Variants in NELL2 observed in about 807,000 individuals in gnomAD.
NELL2 encodes neural EGFL like 2.
Under a neutral mutation model 109.6 loss-of-function variants are expected in NELL2, and 41 were observed. The observed-to-expected ratio is 0.37, with a 90% CI of 0.29 to 0.49. NELL2 has a LOEUF of 0.49. Ranked by LOEUF, NELL2 falls within the 20% of genes least tolerant of loss-of-function variation. The probability of loss-of-function intolerance (pLI) is 0.98; values close to 1 mark genes in which losing one functional copy is unlikely to be tolerated. For synonymous variants in NELL2, 355 were observed against 344.7 expected, an observed-to-expected ratio of 1.03 and a Z score of -0.33; for missense variants, 900 against 1,008.3, an observed-to-expected ratio of 0.89 and a Z score of 1.45.
intron 2 of NELL2, among the ~76,000 whole-genome samples, chr12:44,872,586 C>G (rs567022755): frequency 6.6e-6 from 1 of 151,910 alleles, no homozygotes; most frequent in Non-Finnish European, 1.5e-5. Context: ...ATTAAATGAG[C>G]AAAAATCACT....
chr12:44,917,996 C>T (rs902368299), upstream of NELL2, among the ~76,000 whole-genome samples: 11 of 152,198 alleles, frequency 7.2e-5, no homozygotes, highest in Admixed American at 2.0e-4. Flanking sequence ...AAGCACCAAC[C>T]ATTTTAGTTT....
At chr12:44,543,319 C>A (rs1942657993) in intron 15 of NELL2, among the ~76,000 whole-genome samples, 1 of 152,108 alleles carries the variant, frequency 6.6e-6, no homozygotes, top group South Asian at 2.1e-4. Flanking sequence ...TAATGTCTTT[C>A]AAATATATCT....
intron 15 of NELL2, among the ~76,000 whole-genome samples, chr12:44,551,902 A>T (rs369765868): frequency 5.9e-5 from 9 of 152,160 alleles, no homozygotes; most frequent in East Asian, 3.9e-4. Context: ...AGCATTGCCT[A>T]CTAGAATCCC....
intron 13 of NELL2, among the ~76,000 whole-genome samples, chr12:44,621,598 A>G (rs1371367708): frequency 6.6e-6 from 1 of 152,164 alleles, no homozygotes; most frequent in Non-Finnish European, 1.5e-5. Context: ...AAATAGCCTC[A>G]TATCTGATCA....
At chr12:44,886,081 TAGTAAGGAAGGAAGGAAGGA>T (rs1945467982) in intron 1 of NELL2, among the ~76,000 whole-genome samples, 2 of 107,816 alleles carry the variant, frequency 1.9e-5, no homozygotes, top group Non-Finnish European at 3.8e-5. Context: ...AACATCCATA[TAGTAAGGAAGGAAGGAAGGA>T]AGGAAGGAAG....
chr12:44,558,733 G>A (rs1592116835), intron 15 of NELL2, among the ~76,000 whole-genome samples: 2 of 152,114 alleles, frequency 1.3e-5, no homozygotes, highest in South Asian at 2.1e-4. Flanking sequence ...GGTTTCAAGC[G>A]CAAAACCGAG....
intron 15 of NELL2, among the ~76,000 whole-genome samples, chr12:44,548,269 T>C (rs991934533): frequency 6.6e-6 from 1 of 152,144 alleles, no homozygotes; most frequent in Non-Finnish European, 1.5e-5. Context: ...AATTATTATG[T>C]AGTAGATTTA....
At chr12:44,679,943 T>A (rs185270391) in intron 12 of NELL2, among the ~76,000 whole-genome samples, 2 of 152,260 alleles carry the variant, frequency 1.3e-5, no homozygotes, top group Non-Finnish European at 2.9e-5. Context: ...GTAGGTATCT[T>A]GGCTGAATCC....
At chr12:44,567,296 G>A (rs1031518003) in intron 15 of NELL2, among the ~76,000 whole-genome samples, 1 of 152,016 alleles carries the variant, frequency 6.6e-6, no homozygotes, top group African/African-American at 2.4e-5. Context: ...TTGGTTTTTA[G>A]ATACCTCAGC....
intron 1 of NELL2, among the ~76,000 whole-genome samples, chr12:44,898,298 C>T (rs547620190): frequency 3.4e-4 from 52 of 152,288 alleles, no homozygotes; most frequent in Non-Finnish European, 7.2e-4. Context: ...GACCCCAATG[C>T]CTCCTGATGG....
chr12:44,840,614 C>T (rs1014675720), intron 2 of NELL2, among the ~76,000 whole-genome samples: 4 of 148,318 alleles, frequency 2.7e-5, no homozygotes, highest in East Asian at 2.0e-4. Flanking sequence ...CCAGCCTGGG[C>T]GACAGAGCGA....
intron 11 of NELL2, among the ~76,000 whole-genome samples, chr12:44,705,886 C>CT (rs1191654496): frequency 1.3e-5 from 2 of 152,050 alleles, no homozygotes; most frequent in Non-Finnish European, 2.9e-5. Context: ...TCTGATACAC[C>CT]TTTTTTTCAA....
chr12:44,613,108 CACTT>C (rs1197646628), intron 13 of NELL2, among the ~76,000 whole-genome samples: 2 of 151,976 alleles, frequency 1.3e-5, no homozygotes, highest in South Asian at 4.1e-4. Context: ...TCCTGGAAAA[CACTT>C]ACCATTTTTA....
intron 12 of NELL2, among the ~76,000 whole-genome samples, chr12:44,667,869 C>A (rs886695247): frequency 6.6e-6 from 1 of 152,276 alleles, no homozygotes; most frequent in South Asian, 2.1e-4. Context: ...TAATCCTAGC[C>A]ACAAAAGAGA....
intron 12 of NELL2, among the ~76,000 whole-genome samples, chr12:44,686,013 T>C (rs1371509620): frequency 6.6e-6 from 1 of 152,220 alleles, no homozygotes; most frequent in Non-Finnish European, 1.5e-5. Flanking sequence ...CAGAGTGTTT[T>C]CCAACTTGGT....
intron 1 of NELL2, among the ~76,000 whole-genome samples, chr12:44,908,728 A>G (rs1945747461): frequency 6.6e-6 from 1 of 152,018 alleles, no homozygotes; most frequent in Admixed American, 6.6e-5. Flanking sequence ...GAGTTGATGA[A>G]ACTTTGTGCT....
chr12:44,642,653 G>A lies in NELL2; in HGVS notation c.1444+22831C>T, dbSNP rs528578993. Among the ~76,000 whole-genome samples, 10 of 152,220 alleles carry A rather than the reference G, an allele frequency of 6.6e-5. No individual in the cohort carries two copies. In the South Asian group the frequency reaches 1.2e-3, roughly 19 times the overall value. Reference sequence around the variant, plus strand: ...TCCCAGCACTCTGGGATGCTGAGGCGGGCGGATCACCTAAGGTCAGGAGTT... The same window carrying A: ...TCCCAGCACTCTGGGATGCTGAGGCAGGCGGATCACCTAAGGTCAGGAGTT... On this transcript the variant is annotated intron_variant, in intron 13 of 19. Transcript: ENST00000429094.
intron 2 of NELL2, among the ~76,000 whole-genome samples, chr12:44,846,044 A>C (rs1425008631): frequency 3.9e-5 from 6 of 152,198 alleles, no homozygotes; most frequent in Non-Finnish European, 8.8e-5. Context: ...ATAAAAATGG[A>C]CTTGGAACAT....
intron 13 of NELL2, among the ~76,000 whole-genome samples, chr12:44,663,025 A>G (rs1947802561): frequency 6.6e-6 from 1 of 152,202 alleles, no homozygotes; most frequent in Non-Finnish European, 1.5e-5. Flanking sequence ...TCAATATTTT[A>G]TAAGATAAAT....
Sources: allele counts gnomAD v4.1 joint callset (sites outside exome capture counted in the v4.1 genomes callset), GRCh38; gene constraint gnomAD v4.1.1; transcripts MANE v1.5; gene names NCBI Gene and HGNC (gene_info 2026-07-23, HGNC 2026-07-21).